Variants in RCAN2 observed in about 807,000 individuals in gnomAD.
RCAN2 encodes the protein regulator of calcineurin 2, also known as calcipressin-2.
Under a neutral mutation model 23.6 loss-of-function variants are expected in RCAN2, and 9 were observed. That is an observed-to-expected ratio of 0.38 (90% CI 0.23 to 0.67). The LOEUF (loss-of-function observed/expected upper bound fraction) is 0.67, where lower values mean the gene tolerates loss of function less well. Ranked by LOEUF, RCAN2 falls within the 30% of genes least tolerant of loss-of-function variation. RCAN2 has a pLI of 0.51. For synonymous variants in RCAN2, 109 were observed against 115.7 expected, an observed-to-expected ratio of 0.94 and a Z score of 0.37; for missense variants, 273 against 302.3, an observed-to-expected ratio of 0.90 and a Z score of 0.72.
chr6:46,375,939 A>G (rs1035430635), intron 2 of RCAN2, among the ~76,000 whole-genome samples: 5 of 152,176 alleles, frequency 3.3e-5, no homozygotes, highest in African/African-American at 4.8e-5. Context: ...CAGTTTGCCA[A>G]TCTCTGTTCT....
chr6:46,334,190 T>G (rs1764070673), intron 2 of RCAN2, among the ~76,000 whole-genome samples: 1 of 152,206 alleles, frequency 6.6e-6, no homozygotes. Context: ...CTCCTTAGCC[T>G]GCATTATTTT....
rs559070525 is a variant in RCAN2, at chr6:46,247,012, C to T, written c.400-93G>A. On this transcript the variant is annotated intron_variant, in intron 3 of 4. Coordinates refer to ENST00000371374, the MANE Select transcript of RCAN2 (RefSeq NM_001251974.2). ...AAAACATGGGTTTAGTTTCAGCCTG[C>T]GACAAATGAACCGATGAACCCGACC... is the stretch of plus-strand genomic sequence containing the variant. 7.1e-5 allele frequency: 78 copies of T among 1,095,400 alleles called. No individual in the cohort carries two copies. In the East Asian group the frequency reaches 9.3e-4, roughly 13 times the overall value. The allele number at this position is 1,095,400 out of a possible 1,614,324, so 67.9% of individuals were successfully genotyped here.
At chr6:46,469,060 A>G (rs190864180) in intron 1 of RCAN2, among the ~76,000 whole-genome samples, 19 of 152,234 alleles carry the variant, frequency 1.2e-4, no homozygotes, top group South Asian at 6.2e-4. Flanking sequence ...CAAATCTACA[A>G]TTGTAATACC....
chr6:46,474,080 G>A (rs1768643736), intron 1 of RCAN2, among the ~76,000 whole-genome samples: 1 of 152,144 alleles, frequency 6.6e-6, no homozygotes, highest in Admixed American at 6.5e-5. Flanking sequence ...AGAAGAAGAG[G>A]AGAATAGGCA....
At chr6:46,336,325 C>G (rs1434921579) in intron 2 of RCAN2, among the ~76,000 whole-genome samples, 2 of 152,160 alleles carry the variant, frequency 1.3e-5, no homozygotes, top group Admixed American at 6.5e-5. Flanking sequence ...TTTTCAGAGA[C>G]AGCAAGGCAG....
At chr6:46,365,006 C>A (rs1213895839) in intron 2 of RCAN2, among the ~76,000 whole-genome samples, 1 of 152,138 alleles carries the variant, frequency 6.6e-6, no homozygotes, top group Non-Finnish European at 1.5e-5. Context: ...CAACTATCAC[C>A]TTCATGAAGA....
chr6:46,433,991 C>G (rs947090155), intron 2 of RCAN2, among the ~76,000 whole-genome samples: 2 of 152,154 alleles, frequency 1.3e-5, no homozygotes, highest in Non-Finnish European at 2.9e-5. Flanking sequence ...CAAAATGGCA[C>G]CAATAACACA....
At chr6:46,454,733 C>T (rs1767971580) in intron 2 of RCAN2, among the ~76,000 whole-genome samples, 2 of 152,334 alleles carry the variant, frequency 1.3e-5, no homozygotes, top group Middle Eastern at 3.4e-3. Flanking sequence ...AAACCAAATA[C>T]TATTTCCCAA....
intron 2 of RCAN2, among the ~76,000 whole-genome samples, chr6:46,369,466 TA>T: frequency 6.6e-6 from 1 of 152,226 alleles, no homozygotes; most frequent in African/African-American, 2.4e-5. Flanking sequence ...TTGTTTATAC[TA>T]GCATCACCAC....
intron 1 of RCAN2, among the ~76,000 whole-genome samples, chr6:46,457,790 G>A (rs145115118): frequency 4.9e-4 from 75 of 152,234 alleles, no homozygotes; most frequent in African/African-American, 1.6e-3. Context: ...ACAGGTCCCC[G>A]TCCCTCCTTG....
intron 2 of RCAN2, among the ~76,000 whole-genome samples, chr6:46,347,679 A>G (rs1764528533): frequency 6.6e-6 from 1 of 152,234 alleles, no homozygotes; most frequent in African/African-American, 2.4e-5. Flanking sequence ...ACAACCCACT[A>G]CAAGTAGAAT....
At chr6:46,397,372 AACACACACACACACACACACACACAC>A (rs58494804) in intron 2 of RCAN2, among the ~76,000 whole-genome samples, 1 of 146,138 alleles carries the variant, frequency 6.8e-6, no homozygotes, top group Non-Finnish European at 1.5e-5. Context: ...ATTTCACAGA[AACACACACACACACACACACACACAC>A]ACACACACCA....
At chr6:46,393,451 C>T (rs1561887366) in intron 2 of RCAN2, among the ~76,000 whole-genome samples, 1 of 152,068 alleles carries the variant, frequency 6.6e-6, no homozygotes, top group Admixed American at 6.6e-5. Flanking sequence ...TGATAGCCAC[C>T]CCCACCCTTT....
Position 46,221,664 on chromosome 6 carries a change from C to G in RCAN2, c.*1477G>C. On this transcript the variant is annotated 3_prime_UTR_variant, in exon 5 of 5. Transcript: ENST00000371374. ...AGTTTCTGATGAAACTAACATACAC[C>G]TTAGTCAAAAACCACAACAATCCCT... 2.9e-6 allele frequency: 1 copy of G among 350,524 alleles called. No individual in the cohort carries two copies. The highest frequency in any genetic ancestry group is 4.7e-5 in the Admixed American group (1 of 21,260). The allele number at this position is 350,524 out of a possible 1,614,324, so 21.7% of individuals were successfully genotyped here. A position where few individuals can be genotyped will look rare whatever the true frequency, so the allele number is the denominator to read the frequency against.
At chr6:46,278,564 T>C (rs901780362) in intron 2 of RCAN2, among the ~76,000 whole-genome samples, 1 of 152,228 alleles carries the variant, frequency 6.6e-6, no homozygotes, top group South Asian at 2.1e-4. Flanking sequence ...TACAATATTA[T>C]AATCTATAAA....
intron 2 of RCAN2, among the ~76,000 whole-genome samples, chr6:46,342,751 A>T (rs775119263): frequency 4.6e-5 from 7 of 151,846 alleles, no homozygotes; most frequent in Non-Finnish European, 7.4e-5. Flanking sequence ...AGAATTTGCC[A>T]TAGAGAGGCA....
At chr6:46,372,685 A>G (rs1310045046) in intron 2 of RCAN2, among the ~76,000 whole-genome samples, 1 of 152,254 alleles carries the variant, frequency 6.6e-6, no homozygotes, top group Non-Finnish European at 1.5e-5. Context: ...ATTTTTGGAT[A>G]TTCACATCTG....
intron 4 of RCAN2, among the ~76,000 whole-genome samples, chr6:46,233,017 T>G (rs1396942074): frequency 6.6e-6 from 1 of 152,090 alleles, no homozygotes; most frequent in East Asian, 1.9e-4. Flanking sequence ...CATATTTTTT[T>G]GCTGGAAAAT....
At chr6:46,292,444 T>G (rs1403258000) in intron 2 of RCAN2, among the ~76,000 whole-genome samples, 7 of 150,662 alleles carry the variant, frequency 4.6e-5, no homozygotes, top group African/African-American at 1.7e-4. Context: ...TTTTGTTTTT[T>G]TTTTTGGTGG....
Sources: allele counts gnomAD v4.1 joint callset (sites outside exome capture counted in the v4.1 genomes callset), GRCh38; gene constraint gnomAD v4.1.1; transcripts MANE v1.5; gene names NCBI Gene and HGNC (gene_info 2026-07-23, HGNC 2026-07-21).